PRKD3: variants seen among roughly 807,000 people sequenced by gnomAD.
PRKD3 encodes the protein protein kinase D3, also known as serine/threonine-protein kinase D3.
A neutral mutation model predicts 99.2 loss-of-function variants in PRKD3; 47 were observed. That is an observed-to-expected ratio of 0.47 (90% CI 0.38 to 0.60). PRKD3 has a LOEUF of 0.60. PRKD3 is among the 20% of genes least tolerant of loss of function. PRKD3 has a pLI of 0.00. For synonymous variants in PRKD3, 392 were observed against 355.4 expected, an observed-to-expected ratio of 1.10 and a Z score of -1.16; for missense variants, 1,019 against 1,088.4, an observed-to-expected ratio of 0.94 and a Z score of 0.90.
chr2:37,262,544 G>T (rs1297604767), intron 14 of PRKD3, among the ~76,000 whole-genome samples: 1 of 152,158 alleles, frequency 6.6e-6, no homozygotes, highest in Non-Finnish European at 1.5e-5. Flanking sequence ...GTAGATAAAT[G>T]AAACTCAAAT....
chr2:37,286,420 A>G (rs778638389), intron 5 of PRKD3, 51 bp from the exon 6 acceptor site: 29 of 1,482,050 alleles, frequency 2.0e-5, no homozygotes, highest in Non-Finnish European at 7.4e-6. Context: ...AAAACAGAGT[A>G]GTGGGAGCAG....
At chr2:37,267,943 G>A (rs1205078161) in intron 13 of PRKD3, 1 of 189,262 alleles carries the variant, frequency 5.3e-6, no homozygotes, top group Non-Finnish European at 1.1e-5. Context: ...CACAAACTCT[G>A]GGTGTCTCTA....
Position 37,274,405 on chromosome 2 carries a change from G to T in PRKD3, c.1651+16C>A. ...ATTAAAGAGGAGAAAAAGCCATCAAGAAGTTTATTGCTTACTGTGATCTTT... is the reference window on the plus strand; with the variant it reads ...ATTAAAGAGGAGAAAAAGCCATCAATAAGTTTATTGCTTACTGTGATCTTT... On this transcript the variant is annotated intron_variant, in intron 11 of 18. Coordinates refer to ENST00000234179, the MANE Select transcript of PRKD3 (RefSeq NM_005813.6). 2 of 1,612,328 alleles carry T rather than the reference G, an allele frequency of 1.2e-6. No individual in the cohort carries two copies. Among genetic ancestry groups the T allele is most frequent in the Non-Finnish European group, 1.7e-6 (2 of 1,178,806 alleles).
At chr2:37,294,136 C>T (rs1289969197) in intron 2 of PRKD3, among the ~76,000 whole-genome samples, 3 of 152,096 alleles carry the variant, frequency 2.0e-5, no homozygotes, top group Non-Finnish European at 4.4e-5. Context: ...TGTTCTGTTG[C>T]CTAGGATGAG....
chr2:37,305,801 T>C (rs1671138390), intron 2 of PRKD3, among the ~76,000 whole-genome samples: 1 of 152,218 alleles, frequency 6.6e-6, no homozygotes, highest in Non-Finnish European at 1.5e-5. Flanking sequence ...TTTCCATATC[T>C]AAACAGATTT....
chr2:37,285,699 G>C (rs1670058135), intron 6 of PRKD3, among the ~76,000 whole-genome samples: 1 of 152,170 alleles, frequency 6.6e-6, no homozygotes, highest in Non-Finnish European at 1.5e-5. Context: ...GTATTGGGAA[G>C]TGATAAGCAT....
At chr2:37,323,292 T>C (rs1671961612) in intron 1 of PRKD3, among the ~76,000 whole-genome samples, 1 of 151,110 alleles carries the variant, frequency 6.6e-6, no homozygotes, top group Non-Finnish European at 1.5e-5. Context: ...TATACTAAAT[T>C]ACAGAACCTG....
In PRKD3 at chr2:37,316,508, G is replaced by A; in HGVS notation, c.17C>T (p.Ser6Phe). 1 of 1,613,176 alleles carries A rather than the reference G, an allele frequency of 6.2e-7. No homozygotes were observed. The highest frequency in any genetic ancestry group is 8.5e-7 in the Non-Finnish European group (1 of 1,179,376). Residue 6 changes from serine to phenylalanine, a missense_variant, in exon 2 of 19, where the codon TCC becomes TTC. Ser to Phe is a radical substitution (Grantham distance 155). Transcript: ENST00000234179. MSANN[S>F]PPSAQKSVLP... ...TACAGACTTCTGGGCTGATGGAGGG[G>A]AATTATTTGCAGACATCTGCCTTTC...
At chr2:37,308,405 A>G (rs1027279253) in intron 2 of PRKD3, among the ~76,000 whole-genome samples, 1 of 152,148 alleles carries the variant, frequency 6.6e-6, no homozygotes, top group African/African-American at 2.4e-5. Context: ...TTTCACCTTT[A>G]ATCACTGAAA....
At chr2:37,255,619 G>T (rs963375651) in intron 17 of PRKD3, among the ~76,000 whole-genome samples, 1 of 152,164 alleles carries the variant, frequency 6.6e-6, no homozygotes, top group Non-Finnish European at 1.5e-5. Context: ...GTTCATTCTA[G>T]GTATAAGGAA....
At chr2:37,281,016 T>A (rs1228430222) in intron 7 of PRKD3, among the ~76,000 whole-genome samples, 2 of 152,174 alleles carry the variant, frequency 1.3e-5, no homozygotes, top group Non-Finnish European at 2.9e-5. Flanking sequence ...TGCTCAATAT[T>A]ATTAGCCACC....
rs372596352 is a variant in PRKD3, at chr2:37,291,012, A to G, written c.428-13T>C. The G allele has an allele frequency of 6.3e-7, 1 of 1,593,808 alleles. No individual in the cohort carries two copies. The highest frequency in any genetic ancestry group is 8.5e-7 in the Non-Finnish European group (1 of 1,170,090). On this transcript the variant is annotated splice_polypyrimidine_tract_variant and intron_variant, in intron 3 of 18. Transcript: ENST00000234179. The stretch of plus-strand genomic sequence containing the variant: ...ACTGTGGCTAAAGCTTTAAAAAAGA[A>G]AAGTATTACAATACACGTTGTATTT...
At chr2:37,301,891 T>G (rs1418984442) in intron 2 of PRKD3, among the ~76,000 whole-genome samples, 1 of 152,226 alleles carries the variant, frequency 6.6e-6, no homozygotes, top group African/African-American at 2.4e-5. Flanking sequence ...AGAAGCTATA[T>G]GACAATGTCC....
At chr2:37,264,412 T>C (rs909366341) in intron 14 of PRKD3, among the ~76,000 whole-genome samples, 9 of 151,502 alleles carry the variant, frequency 5.9e-5, no homozygotes, top group African/African-American at 7.3e-5. Flanking sequence ...GCAGAGCTTA[T>C]AAATTGCAGC....
intron 2 of PRKD3, among the ~76,000 whole-genome samples, chr2:37,315,089 G>A (rs1295198479): frequency 6.6e-6 from 1 of 152,168 alleles, no homozygotes; most frequent in Admixed American, 6.5e-5. Context: ...TGAAGAGCAT[G>A]AATTCCCAGA....
At position 37,274,590 on chromosome 2, in the gene PRKD3, T is replaced by A. The variant is rs1484187082; in HGVS notation, c.1482A>T (p.Val494=). ...HCFEIITDTM[V]YFVGENNGDS... ...CCCCATTGTTCTCACCAACGAAGTATACCATAGTATCAGTAATGATTTCAA... is the reference window on the plus strand; with the variant it reads ...CCCCATTGTTCTCACCAACGAAGTAAACCATAGTATCAGTAATGATTTCAA... The change falls in exon 11 of 19, where the codon GTA becomes GTT. Residue 494 remains valine (V), a synonymous_variant. Coordinates refer to ENST00000234179, the MANE Select transcript of PRKD3 (RefSeq NM_005813.6). 1 of 1,614,120 alleles carries A rather than the reference T, an allele frequency of 6.2e-7. No homozygotes were observed. The highest frequency in any genetic ancestry group is 2.2e-5 in the East Asian group (1 of 44,882).
At chr2:37,324,112 T>G in intron 1 of PRKD3, 1 of 942,492 alleles carries the variant, frequency 1.1e-6, no homozygotes, top group Non-Finnish European at 1.3e-6. Context: ...AGGGAGCAAC[T>G]CGGAACAATG....
At chr2:37,309,216 T>A (rs910464814) in intron 2 of PRKD3, among the ~76,000 whole-genome samples, 1 of 152,220 alleles carries the variant, frequency 6.6e-6, no homozygotes, top group Admixed American at 6.5e-5. Context: ...AAGATAATTG[T>A]TGCTAAATAT....
rs1378600073 is a variant in PRKD3, at chr2:37,252,933, C to T, written c.*244G>A. 2 of 290,144 alleles carry T rather than the reference C, an allele frequency of 6.9e-6. No homozygotes were observed. The highest frequency in any genetic ancestry group is 1.2e-5 in the Non-Finnish European group (2 of 160,052). 18.0% of individuals were successfully genotyped at this position (290,144 alleles called of 1,614,324 possible). A position where few individuals can be genotyped will look rare whatever the true frequency, so the allele number is the denominator to read the frequency against. On this transcript the variant is annotated 3_prime_UTR_variant, in exon 19 of 19. Coordinates refer to ENST00000234179, the MANE Select transcript of PRKD3 (RefSeq NM_005813.6). Reference sequence around the variant, plus strand: ...TGAAGGATTAAGAAAAAATACAAAACCAGTTATTGCTTAGGCTAAAAAAGT... The same window carrying T: ...TGAAGGATTAAGAAAAAATACAAAATCAGTTATTGCTTAGGCTAAAAAAGT...
Sources: gnomAD v4.1 joint callset for allele counts (sites outside exome capture counted in the v4.1 genomes callset) on GRCh38, gnomAD v4.1.1 for gene constraint, MANE v1.5 for transcripts, NCBI Gene and HGNC (gene_info 2026-07-23, HGNC 2026-07-21) for gene names.